The following NINL variants were observed in gnomAD, a reference collection of about 807,000 sequenced individuals.
NINL encodes ninein like, also known as ninein-like protein.
Under a neutral mutation model 160.3 loss-of-function variants are expected in NINL, and 153 were observed. The ratio of observed to expected loss-of-function variants is 0.95; its 90% CI spans 0.84 to 1.09. NINL has a LOEUF of 1.09. Ranked by LOEUF, NINL falls within the 50% of genes least tolerant of loss-of-function variation. The pLI is 0.00. For missense variants in NINL, 1,829 were observed against 1,764.0 expected (o/e 1.04, Z -0.66); for synonymous variants, 800 against 734.8 (o/e 1.09, Z -1.43).
At chr20:25,474,581 G>C (rs1207576739) in intron 17 of NINL, among the ~76,000 whole-genome samples, 2 of 151,894 alleles carry the variant, frequency 1.3e-5, no homozygotes, top group South Asian at 2.1e-4. Context: ...GCAAAAACAG[G>C]AAATTTACTC....
chr20:25,536,192 C>G (rs952188210), intron 1 of NINL, among the ~76,000 whole-genome samples: 2 of 152,122 alleles, frequency 1.3e-5, no homozygotes, highest in African/African-American at 4.8e-5. Context: ...ATACACACTT[C>G]GGCAAAATAA....
At chr20:25,573,037 C>T (rs1568973903) in intron 1 of NINL, among the ~76,000 whole-genome samples, 1 of 152,176 alleles carries the variant, frequency 6.6e-6, no homozygotes, top group Non-Finnish European at 1.5e-5. Context: ...TGGCTCACAC[C>T]TGTAATCTCA....
intron 11 of NINL, 22 bp downstream of exon 11, chr20:25,491,329 G>T: frequency 6.3e-7 from 1 of 1,587,632 alleles, no homozygotes. Context: ...CAGCTTCCTG[G>T]ATGCCCTGGG....
rs540884440 is a variant in NINL at position 25,458,433 on chromosome 20, G to C, written c.3793C>G (p.Leu1265Val). 2 of 1,606,536 alleles carry C rather than the reference G, an allele frequency of 1.2e-6. No individual in the cohort carries two copies. The highest frequency in any genetic ancestry group is 2.2e-5 in the East Asian group (1 of 44,870). ...PQDRVAELHR[L>V]LSLQGEQARR... ...GCCTGCTCTCCCTGAAGGCTGAGCA[G>C]GCGATGCAGCTCGGCCACACGGTCC... The change falls in exon 22 of 24, where the codon CTG becomes GTG. Residue 1265 changes from leucine (L) to valine (V), a missense_variant. Transcript: ENST00000278886.
chr20:25,466,211 G>A (rs1231140191), intron 19 of NINL, among the ~76,000 whole-genome samples: 1 of 151,750 alleles, frequency 6.6e-6, no homozygotes, highest in African/African-American at 2.4e-5. Context: ...TTGTAGAGAT[G>A]GGGTTTTGTC....
chr20:25,515,852 G>A (rs2064151211), intron 3 of NINL, among the ~76,000 whole-genome samples: 1 of 152,038 alleles, frequency 6.6e-6, no homozygotes, highest in Non-Finnish European at 1.5e-5. Context: ...CTCACTGCAA[G>A]CTCCACGTCC....
At chr20:25,554,675 TG>T (rs751310548) in intron 1 of NINL, among the ~76,000 whole-genome samples, 2 of 144,018 alleles carry the variant, frequency 1.4e-5, no homozygotes, top group African/African-American at 5.1e-5. Flanking sequence ...GGTGTGGTGA[TG>T]GGGGTCTGTA....
chr20:25,501,152 G>A (rs2063860213), intron 7 of NINL, 142 bp from the exon 8 acceptor site: 1 of 1,108,456 alleles, frequency 9.0e-7, no homozygotes, highest in Non-Finnish European at 1.3e-6. Context: ...GCTCTCAGAG[G>A]GGTCAGAGGT....
At chr20:25,564,125 G>C (rs2064973997) in intron 1 of NINL, among the ~76,000 whole-genome samples, 1 of 150,822 alleles carries the variant, frequency 6.6e-6, no homozygotes, top group Non-Finnish European at 1.5e-5. Flanking sequence ...TACTTGGGAG[G>C]CTGAGGTGGC....
chr20:25,533,366 A>G (rs2064500919), intron 1 of NINL, among the ~76,000 whole-genome samples: 1 of 152,224 alleles, frequency 6.6e-6, no homozygotes, highest in Admixed American at 6.5e-5. Context: ...GAAACAAAAC[A>G]GACTGCTGGG....
At chr20:25,464,383 C>T (rs2062860629) in intron 19 of NINL, among the ~76,000 whole-genome samples, 1 of 152,100 alleles carries the variant, frequency 6.6e-6, no homozygotes. Flanking sequence ...CACCACTGCA[C>T]TCCAGCCAGA....
chr20:25,516,712 G>T (rs1051699116), intron 3 of NINL, among the ~76,000 whole-genome samples: 1 of 152,082 alleles, frequency 6.6e-6, no homozygotes, highest in Non-Finnish European at 1.5e-5. Context: ...CCTCACCCAG[G>T]TCATGCATAT....
At chr20:25,558,529 A>C (rs140464633) in intron 1 of NINL, among the ~76,000 whole-genome samples, 16 of 152,292 alleles carry the variant, frequency 1.1e-4, no homozygotes, top group African/African-American at 2.6e-4. Flanking sequence ...ACCCCCTTGG[A>C]ACTTATAATG....
intron 1 of NINL, among the ~76,000 whole-genome samples, chr20:25,561,090 G>A (rs1008228494): frequency 1.3e-5 from 1 of 74,616 alleles, no homozygotes; most frequent in Non-Finnish European, 2.8e-5. Flanking sequence ...ATGCCGAGCC[G>A]AAGCTGGACT....
chr20:25,569,312 A>T (rs1270642884), intron 1 of NINL, among the ~76,000 whole-genome samples: 1 of 152,156 alleles, frequency 6.6e-6, no homozygotes, highest in Non-Finnish European at 1.5e-5. Flanking sequence ...ATCTACAAAC[A>T]CTTGAAAACC....
intron 4 of NINL, 45 bp from the exon 5 acceptor site, chr20:25,510,785 T>TCC: frequency 6.8e-7 from 1 of 1,469,994 alleles, no homozygotes; most frequent in Non-Finnish European, 9.5e-7. Context: ...CAGGGGGTGC[T>TCC]GCTGGGGACG....
chr20:25,480,404 T>A, intron 14 of NINL, 137 bp from the exon 15 acceptor site: 1 of 669,044 alleles, frequency 1.5e-6, no homozygotes, highest in South Asian at 1.7e-5. Flanking sequence ...CGCTGCGTCC[T>A]TAAAGTCAGC....
At chr20:25,466,174 A>G (rs1319172646) in intron 19 of NINL, among the ~76,000 whole-genome samples, 1 of 152,048 alleles carries the variant, frequency 6.6e-6, no homozygotes, top group East Asian at 1.9e-4. Context: ...GGCACATGGC[A>G]GCATACTCAG....
At chr20:25,491,317 C>G in intron 11 of NINL, 34 bp downstream of exon 11, 1 of 1,579,976 alleles carries the variant, frequency 6.3e-7, no homozygotes, top group South Asian at 1.1e-5. Context: ...CAGGCACCCC[C>G]CCAGCTTCCT....
Sources: gnomAD v4.1 joint callset for allele counts (sites outside exome capture counted in the v4.1 genomes callset) on GRCh38, gnomAD v4.1.1 for gene constraint, MANE v1.5 for transcripts, NCBI Gene and HGNC (gene_info 2026-07-23, HGNC 2026-07-21) for gene names.